The following KCNT1 variants were observed in gnomAD, a reference collection of about 807,000 sequenced individuals.
KCNT1 encodes the protein potassium sodium-activated channel subfamily T member 1, also known as potassium channel subfamily T member 1.
Under a neutral mutation model 147.8 loss-of-function variants are expected in KCNT1, and 78 were observed. The observed-to-expected ratio is 0.53, with a 90% confidence interval of 0.44 to 0.64. KCNT1 has a LOEUF of 0.64. Among genes scored for constraint, KCNT1 ranks in the 30% least tolerant of loss-of-function variants. The probability of loss-of-function intolerance (pLI) is 0.00; values close to 1 mark genes in which losing one functional copy is unlikely to be tolerated. For synonymous variants in KCNT1, 867 were observed against 748.8 expected, an observed-to-expected ratio of 1.16 and a Z score of -2.58; for missense variants, 1,419 against 1,750.3, an observed-to-expected ratio of 0.81 and a Z score of 3.38.
chr9:135,772,693 C>T, intron 18 of KCNT1, 22 bp from the exon 19 acceptor site: 1 of 1,357,712 alleles, frequency 7.4e-7, no homozygotes, highest in South Asian at 1.9e-5. Flanking sequence ...GGGCTGTGGC[C>T]AAGCACAGGG....
intron 2 of KCNT1, among the ~76,000 whole-genome samples, chr9:135,741,140 G>A (rs1401559295): frequency 1.3e-5 from 2 of 152,236 alleles, no homozygotes; most frequent in Admixed American, 6.5e-5. Context: ...GCCTCAGGCT[G>A]TGGGACATCT....
At position 135,702,234 on chromosome 9, in the gene KCNT1, G is replaced by T. The variant is rs1375901590; in HGVS notation, c.-25G>T. ...GCGGCTCCCACTCGCTTCTCCCTCG[G>T]GTCGGGTCCGAGCTGCCAGGCCGCA... is the stretch of plus-strand genomic sequence containing the variant. On this transcript the variant is annotated 5_prime_UTR_variant, in exon 1 of 31. Transcript: ENST00000371757. 1 of 1,566,788 alleles carries T rather than the reference G, an allele frequency of 6.4e-7. No homozygotes were observed.
At chr9:135,766,302 C>T (rs1832277056) in intron 13 of KCNT1, among the ~76,000 whole-genome samples, 1 of 151,446 alleles carries the variant, frequency 6.6e-6, no homozygotes, top group African/African-American at 2.4e-5. Flanking sequence ...CCAGGGTGGA[C>T]CATCTGGGGT....
At chr9:135,722,677 G>C (rs1169664014) in intron 2 of KCNT1, among the ~76,000 whole-genome samples, 1 of 152,204 alleles carries the variant, frequency 6.6e-6, no homozygotes, top group Non-Finnish European at 1.5e-5. Flanking sequence ...CGGCGGACCA[G>C]GCTCCTGGTG....
At chr9:135,762,791 C>T (rs1361044742) in intron 11 of KCNT1, among the ~76,000 whole-genome samples, 1 of 152,218 alleles carries the variant, frequency 6.6e-6, no homozygotes, top group African/African-American at 2.4e-5. Context: ...ACTCCAGGTG[C>T]ACCAGGTCCT....
chr9:135,741,572 G>C (rs1830570160), intron 2 of KCNT1, among the ~76,000 whole-genome samples: 1 of 152,222 alleles, frequency 6.6e-6, no homozygotes, highest in Non-Finnish European at 1.5e-5. Context: ...GTGTGGAGCT[G>C]CTGGCCCGGC....
At chr9:135,762,820 C>T (rs1180708850) in intron 11 of KCNT1, among the ~76,000 whole-genome samples, 2 of 152,382 alleles carry the variant, frequency 1.3e-5, no homozygotes, top group Admixed American at 6.5e-5. Context: ...CACACCTGCA[C>T]TGCTCTTCAG....
In KCNT1 at chr9:135,769,413, C is replaced by T. The variant is rs189445484; in HGVS notation, c.1510+476C>T. Among the ~76,000 whole-genome samples, 328 of 152,284 alleles carry T rather than the reference C, an allele frequency of 2.2e-3. 1 individual carries two copies. The highest frequency in any genetic ancestry group is 2.9e-3 in the Non-Finnish European group (194 of 68,004). ...GGCCCTGGAGCTCCTCACACAAGCA[C>T]ACCAGGAGGTGCTGGAGGGGACGGC... On this transcript the variant is annotated intron_variant, in intron 15 of 30. Transcript: ENST00000371757.
At chr9:135,708,291 G>GTACA (rs1303833911) in intron 1 of KCNT1, among the ~76,000 whole-genome samples, 1 of 152,184 alleles carries the variant, frequency 6.6e-6, no homozygotes, top group Non-Finnish European at 1.5e-5. Context: ...CATGCACATT[G>GTACA]TACATACATG....
chr9:135,717,491 G>T (rs540055256), intron 2 of KCNT1, among the ~76,000 whole-genome samples: 1 of 152,242 alleles, frequency 6.6e-6, no homozygotes, highest in East Asian at 1.9e-4. Context: ...CAGCAGCTTT[G>T]CCTGGCTCCC....
chr9:135,702,446 G>T, intron 1 of KCNT1, 78 bp downstream of exon 1: 1 of 1,157,268 alleles, frequency 8.6e-7, no homozygotes. Context: ...TCAGGCTCCC[G>T]CACCCTCCAG....
chr9:135,777,910 A>C (rs556627355), intron 21 of KCNT1, among the ~76,000 whole-genome samples: 2 of 128,200 alleles, frequency 1.6e-5, no homozygotes, highest in African/African-American at 6.2e-5. Flanking sequence ...CCTCACTCCC[A>C]GCTCCTCCCT....
At chr9:135,768,776 A>G (rs1033693430) in intron 14 of KCNT1, 53 bp from the exon 15 acceptor site, 1 of 1,557,204 alleles carries the variant, frequency 6.4e-7, no homozygotes, top group Non-Finnish European at 8.8e-7. Context: ...GGTGCCGCCC[A>G]GCAGCCCACA....
chr9:135,768,272 T>TG (rs1182329022), intron 13 of KCNT1, among the ~76,000 whole-genome samples: 1 of 2,834 alleles, frequency 3.5e-4, no homozygotes, highest in Non-Finnish European at 7.1e-4. Flanking sequence ...GGGATACCGG[T>TG]GGGGGGGGCA....
Position 135,786,460 on chromosome 9 carries a change from G to T in KCNT1, c.3441G>T (p.Gln1147His), listed in dbSNP as rs765230101. The change falls in exon 29 of 31, where the codon CAG (glutamine) becomes CAT (histidine). Residue 1147 changes from glutamine (Q) to histidine (H), a missense_variant. By Grantham distance (24) the Gln-to-His change is conservative. Coordinates refer to ENST00000371757, the MANE Select transcript of KCNT1 (RefSeq NM_020822.3). ...GCCTGTACCGGCGCTCTGAGCGCCAGGAGCTCTCCGAGCTGGTGAAGAACC... is the reference window on the plus strand; with the variant it reads ...GCCTGTACCGGCGCTCTGAGCGCCATGAGCTCTCCGAGCTGGTGAAGAACC... ...RLSLYRRSERQELSELVKNRM... is the reference protein window; with the variant it reads ...RLSLYRRSERHELSELVKNRM... 1 of 1,602,468 alleles carries T rather than the reference G, an allele frequency of 6.2e-7. No homozygotes were observed. The highest frequency in any genetic ancestry group is 1.1e-5 in the South Asian group (1 of 89,812).
chr9:135,791,368 T>C (rs1834509373), intron 29 of KCNT1: 2 of 223,860 alleles, frequency 8.9e-6, no homozygotes, highest in South Asian at 1.4e-4. Context: ...GTGTGTGGAA[T>C]ACAGAGGTGA....
chr9:135,760,495 C>T (rs1831843949), intron 11 of KCNT1, among the ~76,000 whole-genome samples: 1 of 152,180 alleles, frequency 6.6e-6, no homozygotes, highest in Non-Finnish European at 1.5e-5. Context: ...GAACATTTTC[C>T]AGGAGGCTGG....
chr9:135,761,362 C>G (rs1193413722), intron 11 of KCNT1, among the ~76,000 whole-genome samples: 2 of 152,188 alleles, frequency 1.3e-5, no homozygotes, highest in Admixed American at 1.3e-4. Flanking sequence ...TCCCCCACAC[C>G]CTGCATTCTG....
chr9:135,704,697 TG>T (rs1397843138), intron 1 of KCNT1, among the ~76,000 whole-genome samples: 2 of 152,206 alleles, frequency 1.3e-5, no homozygotes, highest in Non-Finnish European at 2.9e-5. Flanking sequence ...AGGGCGGGCC[TG>T]GGACCCTCTA....
Sources: allele counts gnomAD v4.1 joint callset (sites outside exome capture counted in the v4.1 genomes callset), GRCh38; gene constraint gnomAD v4.1.1; transcripts MANE v1.5; gene names NCBI Gene and HGNC (gene_info 2026-07-23, HGNC 2026-07-21).